Variants in GRM8 observed in about 807,000 individuals in gnomAD.
GRM8 encodes the protein glutamate metabotropic receptor 8.
GRM8 carries 47 observed loss-of-function variants against 87.2 expected under a neutral mutation model. The ratio of observed to expected loss-of-function variants is 0.54; its 90% CI spans 0.43 to 0.69. The LOEUF (loss-of-function observed/expected upper bound fraction) is 0.69. GRM8 is among the 30% of genes least tolerant of loss of function. The probability of loss-of-function intolerance (pLI) is 0.00; values close to 1 mark genes in which losing one functional copy is unlikely to be tolerated. For synonymous variants in GRM8, 396 were observed against 404.5 expected (o/e 0.98, Z 0.25); for missense variants, 1,019 against 1,139.2 (o/e 0.89, Z 1.52).
At chr7:126,568,251 ATT>A (rs1199938873) in intron 8 of GRM8, among the ~76,000 whole-genome samples, 1 of 152,106 alleles carries the variant, frequency 6.6e-6, no homozygotes, top group Non-Finnish European at 1.5e-5. Flanking sequence ...TGAATTCAAT[ATT>A]CTGTTTAAAG....
chr7:127,143,462 A>G (rs1376162010), intron 2 of GRM8, among the ~76,000 whole-genome samples: 1 of 152,180 alleles, frequency 6.6e-6, no homozygotes, highest in Non-Finnish European at 1.5e-5. Context: ...TTTAATTTGT[A>G]GCAGCTGTAG....
chr7:126,662,216 A>C (rs1340056038), intron 7 of GRM8, among the ~76,000 whole-genome samples: 1 of 152,218 alleles, frequency 6.6e-6, no homozygotes, highest in African/African-American at 2.4e-5. Flanking sequence ...ATTATGCTGA[A>C]GATAACAGAA....
rs1792488157 is a variant in GRM8, at chr7:126,550,646, A to T, written c.1495-16759T>A. On this transcript the variant is annotated intron_variant, in intron 8 of 10. Coordinates refer to ENST00000339582, the MANE Select transcript of GRM8 (RefSeq NM_000845.3). ...TAAAAGATAATGAGAAAGCTGCATC[A>T]AAACTCAAGTGTTACACACAAATCT... is the stretch of plus-strand genomic sequence containing the variant. Among the ~76,000 whole-genome samples the T allele has an allele frequency of 2.0e-5, 3 of 152,134 alleles. 1 individual carries two copies. In the South Asian group the frequency reaches 6.2e-4, roughly 31 times the overall value.
intron 6 of GRM8, among the ~76,000 whole-genome samples, chr7:126,776,160 C>T (rs936979139): frequency 3.3e-5 from 5 of 151,928 alleles, no homozygotes; most frequent in African/African-American, 1.2e-4. Context: ...AAAATTATTG[C>T]TGAGAATAAT....
At chr7:126,640,475 T>C (rs79030896) in intron 7 of GRM8, among the ~76,000 whole-genome samples, 10 of 152,352 alleles carry the variant, frequency 6.6e-5, no homozygotes, top group African/African-American at 2.4e-4. Context: ...TTAATACCTA[T>C]GCATATTGAT....
At chr7:126,848,843 A>G (rs1337394017) in intron 6 of GRM8, among the ~76,000 whole-genome samples, 1 of 152,154 alleles carries the variant, frequency 6.6e-6, no homozygotes. Context: ...CACACTGCTG[A>G]TAAAGACATA....
intron 7 of GRM8, among the ~76,000 whole-genome samples, chr7:126,717,195 A>T (rs1811852149): frequency 6.6e-6 from 1 of 152,070 alleles, no homozygotes; most frequent in Admixed American, 6.5e-5. Context: ...ACTGAAATCT[A>T]TGGCCCTCAG....
At chr7:127,059,557 T>A (rs571515966) in intron 3 of GRM8, among the ~76,000 whole-genome samples, 1 of 152,170 alleles carries the variant, frequency 6.6e-6, no homozygotes, top group East Asian at 1.9e-4. Context: ...GGCTGGTCTC[T>A]AACTCCTGAC....
intron 9 of GRM8, among the ~76,000 whole-genome samples, chr7:126,499,592 C>CTAT (rs1809325767): frequency 6.6e-6 from 1 of 151,616 alleles, no homozygotes; most frequent in Non-Finnish European, 1.5e-5. Flanking sequence ...CAGTGAAATA[C>CTAT]TATTCGGCCT....
At chr7:126,851,661 C>T (rs1026066627) in intron 6 of GRM8, among the ~76,000 whole-genome samples, 1 of 152,040 alleles carries the variant, frequency 6.6e-6, no homozygotes, top group African/African-American at 2.4e-5. Context: ...TCTTCTCTGC[C>T]CAGAAAATTT....
intron 2 of GRM8, among the ~76,000 whole-genome samples, chr7:127,194,468 C>T (rs180939058): frequency 6.6e-6 from 1 of 152,216 alleles, no homozygotes; most frequent in East Asian, 1.9e-4. Context: ...AATAAAGCCC[C>T]CATTCAACCT....
chr7:126,776,395 T>C (rs1819479612), intron 6 of GRM8, among the ~76,000 whole-genome samples: 1 of 152,058 alleles, frequency 6.6e-6, no homozygotes, highest in South Asian at 2.1e-4. Flanking sequence ...TAGTAGAAAA[T>C]TGGCACCATG....
intron 7 of GRM8, among the ~76,000 whole-genome samples, chr7:126,731,936 G>C (rs1813638417): frequency 6.6e-6 from 1 of 151,850 alleles, no homozygotes; most frequent in South Asian, 2.1e-4. Context: ...ATACTGTAAA[G>C]AATTCTAACA....
intron 8 of GRM8, among the ~76,000 whole-genome samples, chr7:126,595,948 A>G (rs1379154369): frequency 6.6e-6 from 1 of 152,160 alleles, no homozygotes; most frequent in Non-Finnish European, 1.5e-5. Context: ...ACCAGCCTGG[A>G]CAATATGGTG....
At chr7:126,733,067 GACAATT>G (rs1246236519) in intron 7 of GRM8, among the ~76,000 whole-genome samples, 6 of 151,966 alleles carry the variant, frequency 3.9e-5, no homozygotes, top group African/African-American at 1.4e-4. Flanking sequence ...TGTGGCCCAT[GACAATT>G]ATTCTTCTTC....
At chr7:126,547,842 G>A (rs1404149107) in intron 8 of GRM8, among the ~76,000 whole-genome samples, 1 of 151,346 alleles carries the variant, frequency 6.6e-6, no homozygotes, top group African/African-American at 2.4e-5. Context: ...AGAAATGTCA[G>A]AATCCCGAGA....
intron 2 of GRM8, among the ~76,000 whole-genome samples, chr7:127,125,727 G>T (rs2133200806): frequency 6.7e-6 from 1 of 149,452 alleles, no homozygotes; most frequent in South Asian, 2.1e-4. Context: ...TCCATCAGGG[G>T]ACCAATATCC....
chr7:126,964,344 C>A (rs533429090), intron 3 of GRM8, among the ~76,000 whole-genome samples: 1 of 152,204 alleles, frequency 6.6e-6, no homozygotes, highest in South Asian at 2.1e-4. Flanking sequence ...TTCTGCACAG[C>A]AGAAGAAACT....
At chr7:127,100,858 T>C (rs1185147594) in intron 3 of GRM8, among the ~76,000 whole-genome samples, 2 of 152,110 alleles carry the variant, frequency 1.3e-5, no homozygotes, top group African/African-American at 2.4e-5. Flanking sequence ...TATGAAAGCT[T>C]CTCCCCATGA....
Sources: allele counts gnomAD v4.1 joint callset (sites outside exome capture counted in the v4.1 genomes callset), GRCh38; gene constraint gnomAD v4.1.1; transcripts MANE v1.5; gene names NCBI Gene and HGNC (gene_info 2026-07-23, HGNC 2026-07-21).